TECR: variants seen among roughly 807,000 people sequenced by gnomAD.
The protein encoded by TECR is trans-2,3-enoyl-CoA reductase.
TECR carries 19 observed loss-of-function variants against 50.6 expected under a neutral mutation model. The observed-to-expected ratio is 0.38, with a 90% CI of 0.26 to 0.55. The LOEUF (loss-of-function observed/expected upper bound fraction) is 0.55, where lower values mean the gene tolerates loss of function less well. TECR is among the 20% of genes least tolerant of loss of function. TECR has a pLI of 0.79. For synonymous variants in TECR, 168 were observed against 163.5 expected (o/e 1.03, Z -0.21); for missense variants, 313 against 408.3 (o/e 0.77, Z 2.01).
chr19:14,556,900 C>A (rs2073747099), intron 1 of TECR, among the ~76,000 whole-genome samples: 1 of 152,090 alleles, frequency 6.6e-6, no homozygotes, highest in Non-Finnish European at 1.5e-5. Flanking sequence ...TCAGCTCGGC[C>A]TCTGCACCGA....
chr19:14,534,992 T>C (rs1179920907), intron 1 of TECR, among the ~76,000 whole-genome samples: 1 of 152,092 alleles, frequency 6.6e-6, no homozygotes, highest in Non-Finnish European at 1.5e-5. Flanking sequence ...GGCGAGGTGC[T>C]GCGGGTCAGT....
chr19:14,550,800 C>T (rs1345246385), intron 1 of TECR, among the ~76,000 whole-genome samples: 2 of 151,792 alleles, frequency 1.3e-5, no homozygotes, highest in Non-Finnish European at 2.9e-5. Context: ...CCTGTCTCAG[C>T]CTCCCCCGTA....
intron 1 of TECR, among the ~76,000 whole-genome samples, chr19:14,543,814 T>G (rs1262270346): frequency 2.0e-5 from 3 of 151,468 alleles, no homozygotes; most frequent in Non-Finnish European, 4.4e-5. Flanking sequence ...TCGCAGCTCA[T>G]TGCAACCTCT....
chr19:14,565,476 A>G (rs1050986406), intron 11 of TECR, 142 bp from the exon 12 acceptor site: 23 of 1,415,262 alleles, frequency 1.6e-5, no homozygotes, highest in Middle Eastern at 2.4e-4. Context: ...CTTCCGCCGT[A>G]TACAGCCCCG....
chr19:14,555,865 C>T (rs778947994), intron 1 of TECR, among the ~76,000 whole-genome samples: 4 of 152,168 alleles, frequency 2.6e-5, no homozygotes, highest in South Asian at 2.1e-4. Context: ...GGATTCCAGG[C>T]GTGAGCCACT....
chr19:14,528,010 A>G (rs974215571), upstream of TECR, among the ~76,000 whole-genome samples: 1 of 145,478 alleles, frequency 6.9e-6, no homozygotes, highest in African/African-American at 2.6e-5. Flanking sequence ...CAGCCTCCCT[A>G]GTAGCTGGGA....
In TECR at chr19:14,564,395, A is replaced by C. The variant is rs112667995; in HGVS notation, c.489+108A>C. 1.1e-5 allele frequency: 10 copies of C among 882,130 alleles called. No individual in the cohort carries two copies. The South Asian group carries it at 1.3e-4, about 11-fold the overall frequency. 54.6% of individuals were successfully genotyped at this position (882,130 alleles called of 1,614,324 possible). ...CCCTTCCTGTCTGCCACTACGCCCC[A>C]GCAGAGCCCTACCCCTAGGCCCCGC... On this transcript the variant is annotated intron_variant, in intron 7 of 12. Transcript: ENST00000215567.
chr19:14,557,905 A>C lies in TECR; in HGVS notation c.16-4620A>C, dbSNP rs913951437. Among the ~76,000 whole-genome samples the C allele has an allele frequency of 2.0e-5, 3 of 151,460 alleles. No homozygotes were observed. In the East Asian group the frequency reaches 5.8e-4, roughly 29 times the overall value. Reference sequence around the variant, plus strand: ...CGAGTAGCTGGGACTACAGGCACCCACCACCGCACCCGGCTAATTTTTTGT... The same window carrying C: ...CGAGTAGCTGGGACTACAGGCACCCCCCACCGCACCCGGCTAATTTTTTGT... On this transcript the variant is annotated intron_variant, in intron 1 of 12. Transcript: ENST00000215567.
chr19:14,529,258 C>T (rs2072516589), upstream of TECR: 2 of 317,132 alleles, frequency 6.3e-6, no homozygotes, highest in Non-Finnish European at 1.3e-5. Flanking sequence ...TGCTGCCTTG[C>T]CTGTCACTCA....
At chr19:14,557,520 C>T (rs1259681597) in intron 1 of TECR, among the ~76,000 whole-genome samples, 1 of 149,146 alleles carries the variant, frequency 6.7e-6, no homozygotes, top group Non-Finnish European at 1.5e-5. Flanking sequence ...GGTGCGATAT[C>T]AGCTCACTGC....
chr19:14,548,144 T>A (rs12463081), intron 1 of TECR, among the ~76,000 whole-genome samples: 28,980 of 151,312 alleles, frequency 0.19, 3,320 homozygotes, highest in South Asian at 0.42. Flanking sequence ...TTGTATTTTT[T>A]GTAGAGATGG....
Position 14,564,173 on chromosome 19 carries a change from C to T in TECR, c.384-9C>T, listed in dbSNP as rs1047363868. On this transcript the variant is annotated splice_polypyrimidine_tract_variant and intron_variant, in intron 6 of 12. Coordinates refer to ENST00000215567, the MANE Select transcript of TECR (RefSeq NM_138501.6). ...ACCAGCCCCAGCTGAGCCTGCTCCCCCCGACCAGCCTCGCCTGCATCTGTC... is the reference window on the plus strand; with the variant it reads ...ACCAGCCCCAGCTGAGCCTGCTCCCTCCGACCAGCCTCGCCTGCATCTGTC... 6.2e-7 allele frequency: 1 copy of T among 1,606,488 alleles called. No homozygotes were observed. The highest frequency in any genetic ancestry group is 1.3e-5 in the African/African-American group (1 of 74,748).
rs775367553 is a variant in TECR, at chr19:14,565,727, C to T, written c.800-17C>T. Reference sequence around the variant, plus strand: ...CCGGGCCGGCAGCCCCTCCCTGACGCCCGTTCTTTCCTGCAGTGGCCCTGT... The same window carrying T: ...CCGGGCCGGCAGCCCCTCCCTGACGTCCGTTCTTTCCTGCAGTGGCCCTGT... On this transcript the variant is annotated splice_polypyrimidine_tract_variant and intron_variant, in intron 12 of 12. Coordinates refer to ENST00000215567, the MANE Select transcript of TECR (RefSeq NM_138501.6). 8 of 1,612,394 alleles carry T rather than the reference C, an allele frequency of 5.0e-6. No individual in the cohort carries two copies. Among genetic ancestry groups the T allele is most frequent in the Middle Eastern group, 1.6e-4 (1 of 6,062 alleles).
intron 1 of TECR, among the ~76,000 whole-genome samples, chr19:14,556,605 A>G (rs930090): frequency 0.6 from 91,695 of 151,750 alleles, 28,745 homozygotes; most frequent in African/African-American, 0.78. Flanking sequence ...TATCCCAGGA[A>G]CTGGAACAGT....
At chr19:14,547,264 A>G (rs1282940267) in intron 1 of TECR, among the ~76,000 whole-genome samples, 1 of 152,244 alleles carries the variant, frequency 6.6e-6, no homozygotes, top group Non-Finnish European at 1.5e-5. Context: ...TACCGACAGT[A>G]GGCCAGAAAT....
intron 1 of TECR, among the ~76,000 whole-genome samples, chr19:14,541,868 C>T (rs892164199): frequency 1.3e-5 from 2 of 151,054 alleles, no homozygotes; most frequent in African/African-American, 4.9e-5. Context: ...CTGCAACCTT[C>T]GCCTCCTGGG....
intron 1 of TECR, among the ~76,000 whole-genome samples, chr19:14,546,624 G>T (rs1237761284): frequency 6.6e-6 from 1 of 152,142 alleles, no homozygotes; most frequent in African/African-American, 2.4e-5. Context: ...ACCGTGTCTA[G>T]CCTGGATTTT....
intron 1 of TECR, chr19:14,545,707 A>G (rs1366983226): frequency 4.3e-5 from 7 of 161,696 alleles, no homozygotes; most frequent in African/African-American, 1.7e-4. Flanking sequence ...CAGTTAGCAG[A>G]AAAGGTTTTT....
In TECR at chr19:14,546,190, G is replaced by A. The variant is rs1047119487; in HGVS notation, c.16-16335G>A. ...GCGGCGCTGGGGGCTACTCAGCTGG[G>A]AAATCATTACAGACATTTCCGATCA... On this transcript the variant is annotated intron_variant, in intron 1 of 12. Coordinates refer to ENST00000215567, the MANE Select transcript of TECR (RefSeq NM_138501.6). 2.0e-5 allele frequency among the ~76,000 whole-genome samples: 3 copies of A among 152,094 alleles called. No individual in the cohort carries two copies. The East Asian group carries it at 5.8e-4, about 29-fold the overall frequency.
Sources: gnomAD v4.1 joint callset for allele counts (sites outside exome capture counted in the v4.1 genomes callset) on GRCh38, gnomAD v4.1.1 for gene constraint, MANE v1.5 for transcripts, NCBI Gene and HGNC (gene_info 2026-07-23, HGNC 2026-07-21) for gene names.